The following NALCN variants were observed in gnomAD, a reference collection of about 807,000 sequenced individuals.
NALCN encodes sodium leak channel NALCN.
A neutral mutation model predicts 225.3 loss-of-function variants in NALCN; 111 were observed. The ratio of observed to expected loss-of-function variants is 0.49; its 90% CI spans 0.42 to 0.58. The LOEUF is 0.58. NALCN is among the 20% of genes least tolerant of loss of function. NALCN has a pLI of 0.00. For synonymous variants in NALCN, 764 were observed against 769.0 expected, an observed-to-expected ratio of 0.99 and a Z score of 0.11; for missense variants, 1,378 against 2,202.4, an observed-to-expected ratio of 0.63 and a Z score of 7.49.
chr13:101,271,175 G>A (rs1594572548), intron 10 of NALCN, among the ~76,000 whole-genome samples: 2 of 152,178 alleles, frequency 1.3e-5, no homozygotes, highest in South Asian at 4.1e-4. Context: ...TTAATTGCCA[G>A]TAAGACAGAT....
At chr13:101,277,077 G>A (rs1367985647) in intron 10 of NALCN, among the ~76,000 whole-genome samples, 3 of 151,866 alleles carry the variant, frequency 2.0e-5, no homozygotes, top group South Asian at 2.1e-4. Flanking sequence ...GAGAGAGAGG[G>A]AGAAAGAGAG....
chr13:101,376,789 T>C lies in NALCN; in HGVS notation c.555A>G (p.Leu185=). The C allele has an allele frequency of 6.2e-7, 1 of 1,613,506 alleles. No individual in the cohort carries two copies. The highest frequency in any genetic ancestry group is 8.5e-7 in the Non-Finnish European group (1 of 1,179,838). ...TTCCATAAAGAAGTAGAAAGAAAAG[T>C]AGAAAAATGGAAACACTCCATATTT... ...GEQIWSVSIF[L]LFFLLLYGIL... is the part of the protein sequence containing the mutation. Residue 185 remains leucine, a synonymous_variant, in exon 6 of 44, where the codon CTA becomes CTG. Coordinates refer to ENST00000251127, the MANE Select transcript of NALCN (RefSeq NM_052867.4).
intron 13 of NALCN, among the ~76,000 whole-genome samples, chr13:101,216,340 T>C (rs1373842897): frequency 2.0e-5 from 3 of 152,070 alleles, no homozygotes; most frequent in Admixed American, 6.6e-5. Flanking sequence ...GATGTCCATA[T>C]ATGCATTAAA....
At position 101,100,801 on chromosome 13, in the gene NALCN, G is replaced by A; in HGVS notation, c.3145C>T (p.Pro1049Ser). 1.2e-6 allele frequency: 2 copies of A among 1,608,094 alleles called. No homozygotes were observed. The highest frequency in any genetic ancestry group is 1.7e-6 in the Non-Finnish European group (2 of 1,176,858). Reference sequence around the variant, plus strand: ...CATCTTACCCTTCTAATAATGTTGGGATCATTGCACTTGGCCAGTTTTCCA... The same window carrying A: ...CATCTTACCCTTCTAATAATGTTGGAATCATTGCACTTGGCCAGTTTTCCA... Reference protein sequence around the residue: ...FAGKLAKCNDPNIIRREDCNG... With the variant: ...FAGKLAKCNDSNIIRREDCNG... Residue 1049 changes from proline (P) to serine (S), a missense_variant, in exon 27 of 44, where the codon CCC (proline) becomes TCC (serine). Coordinates refer to ENST00000251127, the MANE Select transcript of NALCN (RefSeq NM_052867.4).
At chr13:101,336,214 GA>G (rs2045373730) in intron 7 of NALCN, among the ~76,000 whole-genome samples, 1 of 152,074 alleles carries the variant, frequency 6.6e-6, no homozygotes, top group Non-Finnish European at 1.5e-5. Flanking sequence ...CACCAGTGAT[GA>G]AAATAATAAC....
intron 6 of NALCN, among the ~76,000 whole-genome samples, chr13:101,376,432 G>T (rs560658662): frequency 1.3e-5 from 2 of 152,182 alleles, no homozygotes; most frequent in South Asian, 4.1e-4. Context: ...AAGGAGAAAC[G>T]CTTGAACCCG....
chr13:101,264,607 C>T (rs186010639), intron 10 of NALCN, among the ~76,000 whole-genome samples: 52 of 152,186 alleles, frequency 3.4e-4, no homozygotes, highest in African/African-American at 1.1e-3. Context: ...CCAGGTGATT[C>T]GTGAGCATGT....
At chr13:101,194,260 C>T (rs1052259426) in intron 13 of NALCN, among the ~76,000 whole-genome samples, 2 of 152,038 alleles carry the variant, frequency 1.3e-5, no homozygotes, top group African/African-American at 2.4e-5. Context: ...AAAAAAAAAT[C>T]GAATTTCCAC....
chr13:101,344,362 T>C (rs771918489), intron 7 of NALCN, among the ~76,000 whole-genome samples: 1 of 152,064 alleles, frequency 6.6e-6, no homozygotes, highest in Non-Finnish European at 1.5e-5. Context: ...AAATAAAATA[T>C]GAGGAAATAC....
chr13:101,211,650 C>T (rs1013145556), intron 13 of NALCN, among the ~76,000 whole-genome samples: 4 of 145,578 alleles, frequency 2.7e-5, no homozygotes, highest in African/African-American at 1.0e-4. Context: ...TGACAATAAA[C>T]TATATATATA....
At chr13:101,265,363 C>G (rs536276759) in intron 10 of NALCN, among the ~76,000 whole-genome samples, 1 of 152,140 alleles carries the variant, frequency 6.6e-6, no homozygotes, top group Admixed American at 6.5e-5. Context: ...CAGCAACCAA[C>G]GCTTTCATCT....
At chr13:101,315,492 T>A (rs1254120078) in intron 7 of NALCN, among the ~76,000 whole-genome samples, 1 of 152,162 alleles carries the variant, frequency 6.6e-6, no homozygotes, top group Non-Finnish European at 1.5e-5. Context: ...TAGGCCTAGA[T>A]GAATTCACAG....
At chr13:101,382,300 A>AG (rs1415738400) in intron 3 of NALCN, among the ~76,000 whole-genome samples, 1 of 109,380 alleles carries the variant, frequency 9.1e-6, no homozygotes, top group Non-Finnish European at 1.8e-5. Flanking sequence ...TGTTATGGGG[A>AG]GGGGGGCGGG....
intron 15 of NALCN, among the ~76,000 whole-genome samples, chr13:101,146,845 G>T (rs945329234): frequency 6.6e-6 from 1 of 152,062 alleles, no homozygotes. Flanking sequence ...GTTCTATAAA[G>T]AGACAATGAT....
chr13:101,095,763 C>A (rs2034470068), intron 27 of NALCN, 83 bp from the exon 28 acceptor site: 15 of 1,168,262 alleles, frequency 1.3e-5, no homozygotes, highest in Non-Finnish European at 1.8e-5. Context: ...ACTCTTTCTT[C>A]TTTCACGGAA....
intron 6 of NALCN, among the ~76,000 whole-genome samples, chr13:101,353,453 G>A (rs757531347): frequency 2.6e-5 from 4 of 152,076 alleles, no homozygotes; most frequent in Non-Finnish European, 4.4e-5. Context: ...CTATGAATTG[G>A]TCTAGCTAAT....
At chr13:101,272,213 C>T (rs190365842) in intron 10 of NALCN, among the ~76,000 whole-genome samples, 71 of 151,488 alleles carry the variant, frequency 4.7e-4, no homozygotes, top group African/African-American at 1.6e-3. Context: ...CTGTGTGTCT[C>T]TGCATGCATG....
Position 101,229,264 on chromosome 13 carries a change from C to A in NALCN, c.1626+129G>T, listed in dbSNP as rs1398281450. 1.0e-5 allele frequency: 9 copies of A among 900,602 alleles called. No homozygotes were observed. In the East Asian group the frequency reaches 1.4e-4, roughly 14 times the overall value. The allele number at this position is 900,602 out of a possible 1,614,324, so 55.8% of individuals were successfully genotyped here. A position where few individuals can be genotyped will look rare whatever the true frequency, so the allele number is the denominator to read the frequency against. On this transcript the variant is annotated intron_variant, in intron 13 of 43. Coordinates refer to ENST00000251127, the MANE Select transcript of NALCN (RefSeq NM_052867.4). ...AAGAGACAATTTTAAATATTAAAAT[C>A]TAATTATCCCAAGTTATCAAAAATA...
intron 11 of NALCN, among the ~76,000 whole-genome samples, chr13:101,252,187 A>C (rs1296753171): frequency 6.6e-6 from 1 of 152,166 alleles, no homozygotes; most frequent in African/African-American, 2.4e-5. Flanking sequence ...CGATGGCCAT[A>C]TCTTATTTAC....
Sources: gnomAD v4.1 joint callset for allele counts (sites outside exome capture counted in the v4.1 genomes callset) on GRCh38, gnomAD v4.1.1 for gene constraint, MANE v1.5 for transcripts, NCBI Gene and HGNC (gene_info 2026-07-23, HGNC 2026-07-21) for gene names.